The following GPR158 variants were observed in gnomAD, a reference collection of about 807,000 sequenced individuals.
The protein encoded by GPR158 is G protein-coupled receptor 158.
A neutral mutation model predicts 78.2 loss-of-function variants in GPR158; 30 were observed. That is an observed-to-expected ratio of 0.38 (90% CI 0.29 to 0.52). GPR158 has a LOEUF of 0.52. Ranked by LOEUF, GPR158 falls within the 20% of genes least tolerant of loss-of-function variation. The probability of loss-of-function intolerance (pLI) is 0.83; values close to 1 mark genes in which losing one functional copy is unlikely to be tolerated. For missense variants in GPR158, 1,463 were observed against 1,523.5 expected, an observed-to-expected ratio of 0.96 and a Z score of 0.66; for synonymous variants, 581 against 591.1, an observed-to-expected ratio of 0.98 and a Z score of 0.25.
At chr10:25,268,414 T>A (rs949479355) in intron 2 of GPR158, among the ~76,000 whole-genome samples, 12 of 151,796 alleles carry the variant, frequency 7.9e-5, no homozygotes, top group African/African-American at 2.2e-4. Flanking sequence ...AAAGGGAGAG[T>A]CTTCCTGGAT....
chr10:25,223,483 C>G (rs549290184), intron 2 of GPR158, among the ~76,000 whole-genome samples: 17 of 152,292 alleles, frequency 1.1e-4, no homozygotes, highest in African/African-American at 3.8e-4. Flanking sequence ...TAGGTACCTG[C>G]AACAGTTTTG....
intron 2 of GPR158, among the ~76,000 whole-genome samples, chr10:25,359,938 T>C (rs1034516837): frequency 1.3e-5 from 2 of 152,196 alleles, no homozygotes; most frequent in African/African-American, 4.8e-5. Flanking sequence ...TTCCTGACTT[T>C]TTAATGATTG....
chr10:25,527,925 A>G (rs1469048551), intron 5 of GPR158, among the ~76,000 whole-genome samples: 2 of 152,142 alleles, frequency 1.3e-5, no homozygotes, highest in African/African-American at 4.8e-5. Context: ...TGATGCCAAC[A>G]AAGTCCACAA....
intron 5 of GPR158, among the ~76,000 whole-genome samples, chr10:25,476,266 T>G (rs1835582390): frequency 6.6e-6 from 1 of 152,166 alleles, no homozygotes; most frequent in African/African-American, 2.4e-5. Flanking sequence ...TAAAGTGTAT[T>G]TTTTTGCTAA....
At chr10:25,275,291 A>G (rs185656741) in intron 2 of GPR158, among the ~76,000 whole-genome samples, 8 of 152,196 alleles carry the variant, frequency 5.3e-5, no homozygotes, top group African/African-American at 1.4e-4. Flanking sequence ...TTTGAAGTCC[A>G]CCCCAAACCT....
At chr10:25,510,253 T>C (rs896619822) in intron 5 of GPR158, among the ~76,000 whole-genome samples, 3 of 152,206 alleles carry the variant, frequency 2.0e-5, no homozygotes, top group African/African-American at 7.2e-5. Flanking sequence ...TTTGTTCAGA[T>C]AGACAACCAA....
At chr10:25,228,319 TAAATATAATTCTA>T (rs1853401665) in intron 2 of GPR158, among the ~76,000 whole-genome samples, 1 of 151,688 alleles carries the variant, frequency 6.6e-6, no homozygotes, top group African/African-American at 2.4e-5. Context: ...CTAAAATATA[TAAATATAATTCTA>T]AAATATAATT....
At chr10:25,366,420 G>T (rs948159524) in intron 2 of GPR158, among the ~76,000 whole-genome samples, 7 of 151,402 alleles carry the variant, frequency 4.6e-5, no homozygotes, top group African/African-American at 1.7e-4. Flanking sequence ...CTGAGCACTG[G>T]TTCTTTTAGT....
chr10:25,330,681 G>A (rs1189384455), intron 2 of GPR158, among the ~76,000 whole-genome samples: 1 of 151,880 alleles, frequency 6.6e-6, no homozygotes, highest in Non-Finnish European at 1.5e-5. Flanking sequence ...TTTCCTTCAT[G>A]AATGAAAACA....
chr10:25,251,875 G>A (rs1388479679), intron 2 of GPR158, among the ~76,000 whole-genome samples: 2 of 151,684 alleles, frequency 1.3e-5, no homozygotes, highest in Non-Finnish European at 2.9e-5. Flanking sequence ...TGCTAGATTG[G>A]GGAAGTTCTC....
intron 1 of GPR158, among the ~76,000 whole-genome samples, chr10:25,184,561 A>C (rs543961816): frequency 9.4e-4 from 143 of 152,374 alleles, no homozygotes; most frequent in African/African-American, 3.4e-3. Flanking sequence ...AAATACACAA[A>C]ATATTGTGCT....
intron 4 of GPR158, among the ~76,000 whole-genome samples, chr10:25,421,621 G>T (rs560562684): frequency 2.0e-4 from 31 of 152,016 alleles, no homozygotes; most frequent in African/African-American, 6.0e-4. Context: ...TTCAATTTTT[G>T]TTTTTCTAAG....
chr10:25,568,455 G>A (rs1026672852), intron 6 of GPR158, among the ~76,000 whole-genome samples: 3 of 152,134 alleles, frequency 2.0e-5, no homozygotes, highest in Non-Finnish European at 4.4e-5. Flanking sequence ...GAAGTAGGAA[G>A]AGAGAACTAG....
At position 25,601,412 on chromosome 10, in the gene GPR158, C is replaced by T. The variant is rs3802512; in HGVS notation, c.*2138C>T. 45,931 of 152,426 alleles carry T rather than the reference C, an allele frequency of 0.3. 9,514 individuals carry two copies. Among genetic ancestry groups the T allele is most frequent in the African/African-American group, 0.59 (24,455 of 41,428 alleles). 9.4% of individuals were successfully genotyped at this position (152,426 alleles called of 1,614,324 possible). ...ACCTCCTTTAAGGAATCTTTGTGAA[C>T]TGGGTTGGAAGTTCCTAGACCCACA... is the stretch of plus-strand genomic sequence containing the variant. On this transcript the variant is annotated 3_prime_UTR_variant, in exon 11 of 11. Transcript: ENST00000376351.
rs77866423 is a variant in GPR158, at chr10:25,300,439, T to G, written c.1008+79282T>G. Among the ~76,000 whole-genome samples the G allele has an allele frequency of 8.7e-3, 1,322 of 152,320 alleles. 31 individuals are homozygous for G. Among genetic ancestry groups the G allele is most frequent in the African/African-American group, 0.031 (1,276 of 41,572 alleles). On this transcript the variant is annotated intron_variant, in intron 2 of 10. Coordinates refer to ENST00000376351, the MANE Select transcript of GPR158 (RefSeq NM_020752.3). ...GATAATCAGGTTACTCTCTCTATTT[T>G]AAGGTAAGTGACCTTAACTGAATTC...
intron 5 of GPR158, among the ~76,000 whole-genome samples, chr10:25,493,706 T>G (rs1835841544): frequency 6.6e-6 from 1 of 152,224 alleles, no homozygotes; most frequent in African/African-American, 2.4e-5. Flanking sequence ...GTTGAGAAAT[T>G]AAGCAAACAA....
At chr10:25,594,999 T>C (rs998447656) in intron 9 of GPR158, among the ~76,000 whole-genome samples, 7 of 151,662 alleles carry the variant, frequency 4.6e-5, no homozygotes, top group African/African-American at 1.7e-4. Context: ...TAAGGCTTCC[T>C]GAAATAAAAT....
In GPR158 at chr10:25,596,744, C is replaced by G; in HGVS notation, c.2100C>G (p.Ile700Met). The change falls in exon 10 of 11, where the codon ATC becomes ATG. Residue 700 changes from isoleucine (I) to methionine (M), a missense_variant. Transcript: ENST00000376351. The part of the protein sequence containing the change: ...GRSGSYLNSS[I>M]NSAWSEHSLD... ...CTGGATCCTACCTGAACAGCAGTAT[C>G]AATTCAGCCTGGAGTGAGCACAGCT... The G allele has an allele frequency of 6.2e-7, 1 of 1,613,784 alleles. No homozygotes were observed. Among genetic ancestry groups the G allele is most frequent in the Non-Finnish European group, 8.5e-7 (1 of 1,179,760 alleles).
At chr10:25,341,698 C>A (rs931825845) in intron 2 of GPR158, among the ~76,000 whole-genome samples, 2 of 151,810 alleles carry the variant, frequency 1.3e-5, no homozygotes, top group African/African-American at 4.8e-5. Flanking sequence ...CCTTCACTTT[C>A]ATAAACTATT....
Sources: gnomAD v4.1 joint callset for allele counts (sites outside exome capture counted in the v4.1 genomes callset) on GRCh38, gnomAD v4.1.1 for gene constraint, MANE v1.5 for transcripts, NCBI Gene and HGNC (gene_info 2026-07-23, HGNC 2026-07-21) for gene names.